The following CD68 variants were observed in gnomAD, a reference collection of about 807,000 sequenced individuals.
CD68 encodes CD68 molecule, also known as macrosialin.
A neutral mutation model predicts 31.3 loss-of-function variants in CD68; 24 were observed. The observed-to-expected ratio is 0.77, with a 90% CI of 0.55 to 1.08. The LOEUF is 1.08. Ranked by LOEUF, CD68 falls within the 50% of genes least tolerant of loss-of-function variation. The probability of loss-of-function intolerance (pLI) is 0.00; values close to 1 mark genes in which losing one functional copy is unlikely to be tolerated. For synonymous variants in CD68, 190 were observed against 179.6 expected (o/e 1.06, Z -0.46); for missense variants, 461 against 442.5 (o/e 1.04, Z -0.38).
At position 7,580,953 on chromosome 17, in the gene CD68, A is replaced by G. The variant is rs2150930362; in HGVS notation, c.818A>G (p.Gln273Arg). 1 of 1,614,080 alleles carries G rather than the reference A, an allele frequency of 6.2e-7. No individual in the cohort carries two copies. The change falls in exon 5 of 6, where the codon CAG (glutamine) becomes CGG (arginine). Residue 273 changes from glutamine (Q) to arginine (R), a missense_variant. Physicochemically the swap from Gln to Arg is conservative, Grantham distance 43. Coordinates refer to ENST00000250092, the MANE Select transcript of CD68 (RefSeq NM_001251.3). The surrounding 1 kb of genome is among the most constrained non-coding windows in gnomAD (Gnocchi z 4.3). ...SLRDLQAPLG[Q>R]SFSCSNSSII... The stretch of plus-strand genomic sequence containing the variant: ...CGAGATCTCCAAGCACCCCTGGGGC[A>G]GAGCTTCAGTTGCAGCAACTCGAGC...
Position 7,579,806 on chromosome 17 carries a change from A to G in CD68, c.50-4A>G. 6.2e-7 allele frequency: 1 copy of G among 1,611,300 alleles called. No individual in the cohort carries two copies. The highest frequency in any genetic ancestry group is 8.5e-7 in the Non-Finnish European group (1 of 1,178,134). ...GTTGCTAACCATCTCCTCTCTGCCA[A>G]AAGCCCAGGGGACAGGGAATGACTG... On this transcript the variant is annotated splice_polypyrimidine_tract_variant and splice_region_variant and intron_variant, in intron 1 of 5. Coordinates refer to ENST00000250092, the MANE Select transcript of CD68 (RefSeq NM_001251.3).
At chr17:7,581,149 C>A in intron 5 of CD68, 83 bp downstream of exon 5, 1 of 1,307,214 alleles carries the variant, frequency 7.6e-7, no homozygotes, top group Non-Finnish European at 1.1e-6. Flanking sequence ...CCACTCATCT[C>A]TCTTCTTAAC....
rs780042516 is a variant in CD68 at position 7,579,934 on chromosome 17, AACC to A, written c.180_182del (p.Thr61del). 3.1e-6 allele frequency: 5 copies of A among 1,613,632 alleles called. No individual in the cohort carries two copies. The highest frequency in any genetic ancestry group is 2.2e-5 in the South Asian group (2 of 91,060). On this transcript the variant is annotated inframe_deletion, in exon 2 of 6. Transcript: ENST00000250092. ...GCCACAGGACTACCAAGAGCCACAA[AACC>A]ACCACTCACAGGACAACCACCACAG...
Position 7,580,549 on chromosome 17 carries a change from A to G in CD68, c.651A>G (p.Ser217=). 1 of 1,613,932 alleles carries G rather than the reference A, an allele frequency of 6.2e-7. No individual in the cohort carries two copies. Among genetic ancestry groups the G allele is most frequent in the East Asian group, 2.2e-5 (1 of 44,864 alleles). The stretch of plus-strand genomic sequence containing the variant: ...GTGCCCATCCCCACCTGCTTCTCTC[A>G]TTCCCCTATGGACACCTCAGCTTTG... The part of the protein sequence containing the change: ...CEGAHPHLLL[S]FPYGHLSFGF... Residue 217 remains serine, a synonymous_variant, in exon 3 of 6, where the codon TCA becomes TCG. Coordinates refer to ENST00000250092, the MANE Select transcript of CD68 (RefSeq NM_001251.3). This position sits in a 1 kb window ranked among gnomAD's most constrained non-coding sequence, Gnocchi z 4.3.
chr17:7,579,949 G>T lies in CD68; in HGVS notation c.189G>T (p.Arg63Ser), dbSNP rs1380487951. The change falls in exon 2 of 6, where the codon AGG becomes AGT. Residue 63 changes from arginine to serine, a missense_variant. Physicochemically the swap from Arg to Ser is moderately radical, Grantham distance 110. Coordinates refer to ENST00000250092, the MANE Select transcript of CD68 (RefSeq NM_001251.3). Reference sequence around the variant, plus strand: ...AGAGCCACAAAACCACCACTCACAGGACAACCACCACAGGCACCACCAGCC... The same window carrying T: ...AGAGCCACAAAACCACCACTCACAGTACAACCACCACAGGCACCACCAGCC... Reference protein sequence around the residue: ...TTKSHKTTTHRTTTTGTTSHG... With the variant: ...TTKSHKTTTHSTTTTGTTSHG... The T allele has an allele frequency of 1.9e-6, 3 of 1,613,378 alleles. No individual in the cohort carries two copies. The African/African-American group carries it at 4.0e-5, about 22-fold the overall frequency.
chr17:7,581,368 C>T lies in CD68; in HGVS notation c.932-10C>T, dbSNP rs758554225. The T allele has an allele frequency of 4.3e-6, 7 of 1,614,018 alleles. No individual in the cohort carries two copies. The highest frequency in any genetic ancestry group is 1.7e-5 in the Admixed American group (1 of 59,994). On this transcript the variant is annotated splice_polypyrimidine_tract_variant and intron_variant, in intron 5 of 5. Coordinates refer to ENST00000250092, the MANE Select transcript of CD68 (RefSeq NM_001251.3). Reference sequence around the variant, plus strand: ...ACTGCAAATACCTACCTGCCCTATCCTTCCGCCAGGTTTCTCCTGCCCCAG... The same window carrying T: ...ACTGCAAATACCTACCTGCCCTATCTTTCCGCCAGGTTTCTCCTGCCCCAG...
In CD68 at chr17:7,581,480, G is replaced by A. The variant is rs755041269; in HGVS notation, c.1034G>A (p.Arg345Gln). The A allele has an allele frequency of 1.2e-6, 2 of 1,613,940 alleles. No individual in the cohort carries two copies. The highest frequency in any genetic ancestry group is 1.3e-5 in the African/African-American group (1 of 74,874). Reference sequence around the variant, plus strand: ...GTGCTTATTGCTTTCTGCATCATCCGGAGACGCCCATCCGCCTACCAGGCC... The same window carrying A: ...GTGCTTATTGCTTTCTGCATCATCCAGAGACGCCCATCCGCCTACCAGGCC... ...ALVLIAFCII[R>Q]RRPSAYQAL Residue 345 changes from arginine to glutamine, a missense_variant, in exon 6 of 6, where the codon CGG becomes CAG. Arg to Gln is a conservative substitution (Grantham distance 43). Transcript: ENST00000250092.
rs764563100 is a variant in CD68 at position 7,579,940 on chromosome 17, C to T, written c.180C>T (p.Thr60=). The change falls in exon 2 of 6, where the codon ACC becomes ACT. Residue 60 remains threonine, a synonymous_variant. Transcript: ENST00000250092. ...SHRTTKSHKT[T]THRTTTTGTT... is the part of the protein sequence containing the mutation. ...GGACTACCAAGAGCCACAAAACCACCACTCACAGGACAACCACCACAGGCA... is the reference window on the plus strand; with the variant it reads ...GGACTACCAAGAGCCACAAAACCACTACTCACAGGACAACCACCACAGGCA... 2 of 1,613,948 alleles carry T rather than the reference C, an allele frequency of 1.2e-6. No homozygotes were observed. The highest frequency in any genetic ancestry group is 1.7e-6 in the Non-Finnish European group (2 of 1,179,908).
At chr17:7,581,182 C>A in intron 5 of CD68, 116 bp downstream of exon 5, 1 of 1,174,122 alleles carries the variant, frequency 8.5e-7, no homozygotes, top group Non-Finnish European at 1.2e-6. Context: ...GCTCTCCCAG[C>A]TTGTCATGGC....
chr17:7,579,648 T>G lies in CD68; in HGVS notation c.-30T>G, dbSNP rs780321234. On this transcript the variant is annotated 5_prime_UTR_variant, in exon 1 of 6. Coordinates refer to ENST00000250092, the MANE Select transcript of CD68 (RefSeq NM_001251.3). ...GGTTGAGCAACTGGTGCAGACAGCC[T>G]AGCTGGACTTTGGGTGAGGCGGTTC... The G allele has an allele frequency of 3.1e-6, 5 of 1,596,094 alleles. No homozygotes were observed. The Admixed American group carries it at 7.0e-5, about 22-fold the overall frequency.
rs749699976 is a variant in CD68, at chr17:7,580,230, T to C, written c.470T>C (p.Ile157Thr). Residue 157 changes from isoleucine to threonine, a missense_variant, in exon 2 of 6, where the codon ATT becomes ACT. By Grantham distance (89) the Ile-to-Thr change is moderately conservative. Transcript: ENST00000250092. This position sits in a 1 kb window ranked among gnomAD's most constrained non-coding sequence, Gnocchi z 4.3. ...CCTAGCCCAACCTCCAAGGAGACCA[T>C]TGGAGACTACACGTGGACCAATGGT... ...PSPSPTSKET[I>T]GDYTWTNGSQ... The C allele has an allele frequency of 3.6e-5, 58 of 1,612,828 alleles. No homozygotes were observed. The highest frequency in any genetic ancestry group is 1.1e-4 in the African/African-American group (8 of 74,428).
rs768572437 is a variant in CD68, at chr17:7,580,716, C to T, written c.693C>T (p.Leu231=). Reference sequence around the variant, plus strand: ...CCTTCCTCTTCGCCCCACAGGACCTCCAGCAGAAGGTTGTCTACCTGAGCT... The same window carrying T: ...CCTTCCTCTTCGCCCCACAGGACCTTCAGCAGAAGGTTGTCTACCTGAGCT... ...GHLSFGFMQD[L]QQKVVYLSYM... The change falls in exon 4 of 6, where the codon CTC becomes CTT. Residue 231 remains leucine, a synonymous_variant. Transcript: ENST00000250092. This position sits in a 1 kb window ranked among gnomAD's most constrained non-coding sequence, Gnocchi z 4.3. 7 of 1,613,950 alleles carry T rather than the reference C, an allele frequency of 4.3e-6. No individual in the cohort carries two copies. The African/African-American group carries it at 8.0e-5, about 18-fold the overall frequency.
At position 7,581,520 on chromosome 17, in the gene CD68, T is replaced by C. The variant is rs374543382; in HGVS notation, c.*9T>C. On this transcript the variant is annotated 3_prime_UTR_variant, in exon 6 of 6. Transcript: ENST00000250092. ...CCTACCAGGCCCTCTGAGCATTTGC[T>C]TCAAACCCCAGGGCACTGAGGGGGT... 1 of 1,614,086 alleles carries C rather than the reference T, an allele frequency of 6.2e-7. No individual in the cohort carries two copies. The highest frequency in any genetic ancestry group is 1.7e-5 in the Admixed American group (1 of 60,024).
rs1383877465 is a variant in CD68, at chr17:7,580,215, C to T, written c.455C>T (p.Thr152Ile). The stretch of plus-strand genomic sequence containing the variant: ...CCACCCTCTCCGAGTCCTAGCCCAA[C>T]CTCCAAGGAGACCATTGGAGACTAC... ...PPPPSPSPSP[T>I]SKETIGDYTW... Residue 152 changes from threonine (T) to isoleucine (I), a missense_variant, in exon 2 of 6, where the codon ACC becomes ATC. Physicochemically the swap from Thr to Ile is moderately conservative, Grantham distance 89 (BLOSUM62 -1). Transcript: ENST00000250092. The surrounding 1 kb of genome is among the most constrained non-coding windows in gnomAD (Gnocchi z 4.3). The T allele has an allele frequency of 1.2e-6, 2 of 1,613,766 alleles. No homozygotes were observed. The highest frequency in any genetic ancestry group is 2.2e-5 in the East Asian group (1 of 44,860).
chr17:7,581,556 T>TTGGG lies in CD68; in HGVS notation c.*45_*46insTGGG. ...GGGCACTGAGGGGGTTGGGGTGTGG[T>TTGGG]GGGGGGGTACCCTTATTTCCTCGAC... On this transcript the variant is annotated 3_prime_UTR_variant, in exon 6 of 6. Transcript: ENST00000250092. The TTGGG allele has an allele frequency of 6.3e-7, 1 of 1,590,486 alleles. No individual in the cohort carries two copies. The highest frequency in any genetic ancestry group is 1.3e-5 in the African/African-American group (1 of 74,420).
At position 7,581,741 on chromosome 17, in the gene CD68, G is replaced by T; in HGVS notation, c.*230G>T. 1 of 482,294 alleles carries T rather than the reference G, an allele frequency of 2.1e-6. No individual in the cohort carries two copies. Among genetic ancestry groups the T allele is most frequent in the Non-Finnish European group, 3.8e-6 (1 of 263,638 alleles). The allele number at this position is 482,294 out of a possible 1,614,324, so 29.9% of individuals were successfully genotyped here. On this transcript the variant is annotated 3_prime_UTR_variant, in exon 6 of 6. Transcript: ENST00000250092. ...GTTTGAGACCAGCCTGGCCAACATG[G>T]TGAAACCCTGTCTCTACTAAAAATA... is the stretch of plus-strand genomic sequence containing the variant.
At chr17:7,579,758 C>T in intron 1 of CD68, 32 bp downstream of exon 1, 2 of 1,602,328 alleles carry the variant, frequency 1.2e-6, no homozygotes, top group South Asian at 1.1e-5. Flanking sequence ...GGGAGGGGGC[C>T]CCTGGGAGGG....
Position 7,580,464 on chromosome 17 carries a change from AGGCCTGG to A in CD68, c.570_576del (p.Trp191SerfsTer4). On this transcript the variant is annotated splice_acceptor_variant and coding_sequence_variant, in exon 3 of 6. Coordinates refer to ENST00000250092, the MANE Select transcript of CD68 (RefSeq NM_001251.3). LOFTEE classifies it high-confidence loss of function. This position sits in a 1 kb window ranked among gnomAD's most constrained non-coding sequence, Gnocchi z 4.3. The stretch of plus-strand genomic sequence containing the variant: ...TGACCTTCCAGTCTTTAACTTCCGC[AGGCCTGG>A]GGCATCTCTGTACTGAACCCCAACA... 6.2e-7 allele frequency: 1 copy of A among 1,614,044 alleles called. No individual in the cohort carries two copies. Among genetic ancestry groups the A allele is most frequent in the Non-Finnish European group, 8.5e-7 (1 of 1,179,980 alleles).
Position 7,580,932 on chromosome 17 carries a change from A to G in CD68, c.797A>G (p.Asp266Gly). The G allele has an allele frequency of 6.2e-7, 1 of 1,613,730 alleles. No individual in the cohort carries two copies. The highest frequency in any genetic ancestry group is 1.7e-5 in the Admixed American group (1 of 59,988). ...TFSAQNASLRDLQAPLGQSFS... is the reference protein window; with the variant it reads ...TFSAQNASLRGLQAPLGQSFS... ...TCGGCTCAGAATGCATCCCTTCGAG[A>G]TCTCCAAGCACCCCTGGGGCAGAGC... The change falls in exon 5 of 6, where the codon GAT (aspartate) becomes GGT (glycine). Residue 266 changes from aspartate to glycine, a missense_variant. Physicochemically the swap from Asp to Gly is moderately conservative, Grantham distance 94. Transcript: ENST00000250092. This position sits in a 1 kb window ranked among gnomAD's most constrained non-coding sequence, Gnocchi z 4.3.
Sources: allele counts gnomAD v4.1 joint callset, GRCh38; gene constraint gnomAD v4.1.1; non-coding constraint Gnocchi (gnomAD v3.1); transcripts MANE v1.5; gene names NCBI Gene and HGNC (gene_info 2026-07-23, HGNC 2026-07-21).